AGBL1: variants seen among roughly 807,000 people sequenced by gnomAD.
AGBL1 encodes the protein AGBL carboxypeptidase 1.
AGBL1 carries 130 observed loss-of-function variants against 118.9 expected under a neutral mutation model. The observed-to-expected ratio is 1.09, with a 90% CI of 0.95 to 1.26. The LOEUF is 1.26. Among genes scored for constraint, AGBL1 ranks in the 50% most tolerant of loss-of-function variants. The pLI is 0.00. For missense variants in AGBL1, 1,584 were observed against 1,298.1 expected (o/e 1.22, Z -3.38); for synonymous variants, 555 against 478.9 (o/e 1.16, Z -2.08).
chr15:87,016,001 G>A (rs1283596289), intron 24 of AGBL1, among the ~76,000 whole-genome samples: 1 of 152,124 alleles, frequency 6.6e-6, no homozygotes, highest in East Asian at 1.9e-4. Flanking sequence ...TCTGCCTGTG[G>A]ACTTGATGTT....
chr15:86,583,923 G>T (rs1413739614), intron 21 of AGBL1, among the ~76,000 whole-genome samples: 1 of 152,058 alleles, frequency 6.6e-6, no homozygotes, highest in Non-Finnish European at 1.5e-5. Flanking sequence ...GTTTTGATTT[G>T]CATTTCTCTG....
chr15:86,562,282 T>C (rs1156777773), intron 21 of AGBL1, among the ~76,000 whole-genome samples: 6 of 152,240 alleles, frequency 3.9e-5, no homozygotes, highest in Non-Finnish European at 8.8e-5. Flanking sequence ...TGTGGGTTTG[T>C]CATAAATAGC....
intron 22 of AGBL1, among the ~76,000 whole-genome samples, chr15:86,711,422 C>A (rs1406007843): frequency 3.3e-5 from 5 of 152,156 alleles, no homozygotes; most frequent in African/African-American, 1.2e-4. Flanking sequence ...TGTTCTAATT[C>A]TCTGCATCGT....
At chr15:86,576,132 G>T (rs2084088405) in intron 21 of AGBL1, among the ~76,000 whole-genome samples, 1 of 152,150 alleles carries the variant, frequency 6.6e-6, no homozygotes, top group African/African-American at 2.4e-5. Context: ...ATCATTTATT[G>T]ACTGCACTTT....
Position 86,247,804 on chromosome 15 carries a change from C to T in AGBL1, c.660C>T (p.His220=). ...GGGGCTTGCTGCTCTGCCTCAGGCA[C>T]ATTGCTGCCCTCCGGTCCGGCAGGG... The part of the protein sequence containing the change: ...IRRGLLLCLR[H]IAALRSGREA... The change falls in exon 7 of 23, where the codon CAC becomes CAT. Residue 220 remains histidine (H), a synonymous_variant. Coordinates refer to ENST00000614907, the MANE Select transcript of AGBL1 (RefSeq NM_001386094.1). 1 of 1,614,014 alleles carries T rather than the reference C, an allele frequency of 6.2e-7. No individual in the cohort carries two copies. The highest frequency in any genetic ancestry group is 8.5e-7 in the Non-Finnish European group (1 of 1,179,904).
At chr15:86,917,466 C>T (rs911931717), downstream of AGBL1, among the ~76,000 whole-genome samples, 1 of 152,064 alleles carries the variant, frequency 6.6e-6, no homozygotes, top group South Asian at 2.1e-4. The surrounding 1 kb of genome is among the most constrained non-coding windows in gnomAD (Gnocchi z 4.8). Context: ...AAAGGGAGCT[C>T]ATTATTACTG....
rs1189868004 is a variant in AGBL1 at position 86,613,400 on chromosome 15, C to G, written c.2994+58863C>G. Among the ~76,000 whole-genome samples the G allele has an allele frequency of 6.6e-6, 1 of 152,128 alleles. No homozygotes were observed. Among genetic ancestry groups the G allele is most frequent in the African/African-American group, 2.4e-5 (1 of 41,414 alleles). ...CGTGGACAGTTAGTGGGTGAGAAGA[C>G]AGTGTCTGGCATGTTCAAAGCTGCT... is the stretch of plus-strand genomic sequence containing the variant. On this transcript the variant is annotated intron_variant, in intron 21 of 22. Transcript: ENST00000614907. This position sits in a 1 kb window ranked among gnomAD's most constrained non-coding sequence, Gnocchi z 4.2.
chr15:86,883,325 C>T (rs932928654), intron 22 of AGBL1, among the ~76,000 whole-genome samples: 2 of 152,162 alleles, frequency 1.3e-5, no homozygotes, highest in Non-Finnish European at 2.9e-5. Flanking sequence ...TTCAGGCCTC[C>T]CTCTTCCTAG....
chr15:86,234,669 T>G (rs1451713618), intron 6 of AGBL1, among the ~76,000 whole-genome samples: 1 of 152,124 alleles, frequency 6.6e-6, no homozygotes, highest in Non-Finnish European at 1.5e-5. Flanking sequence ...TGTGGCATGT[T>G]TCTTAATGAC....
At chr15:86,293,949 G>A (rs1031455155) in intron 16 of AGBL1, among the ~76,000 whole-genome samples, 10 of 152,066 alleles carry the variant, frequency 6.6e-5, no homozygotes, top group African/African-American at 2.4e-4. Flanking sequence ...TTGGGCAGTG[G>A]TGTTTTTGTG....
At chr15:86,095,585 C>T (rs532983793) in intron 1 of AGBL1, among the ~76,000 whole-genome samples, 9 of 149,628 alleles carry the variant, frequency 6.0e-5, no homozygotes, top group Non-Finnish European at 1.3e-4. Context: ...GTGCCAGGAA[C>T]TGGGGATGAA....
chr15:86,495,058 G>A (rs1020646397), intron 18 of AGBL1, among the ~76,000 whole-genome samples: 1 of 150,848 alleles, frequency 6.6e-6, no homozygotes, highest in Non-Finnish European at 1.5e-5. Context: ...CCTGAACCTG[G>A]CATCAGTTTT....
chr15:86,410,807 GATATATATATATATAT>G (rs36127489), intron 18 of AGBL1, among the ~76,000 whole-genome samples: 26 of 40,362 alleles, frequency 6.4e-4, no homozygotes, highest in East Asian at 3.2e-3. Context: ...GTCAAATGTA[GATATATATATATATAT>G]ATATATATAT....
chr15:86,196,879 G>GCGCACGCA (rs756313941), intron 5 of AGBL1, among the ~76,000 whole-genome samples: 9 of 117,014 alleles, frequency 7.7e-5, no homozygotes, highest in African/African-American at 2.9e-4. Flanking sequence ...GCGCGCGCGC[G>GCGCACGCA]CACACACACA....
In AGBL1 at chr15:86,730,401, C is replaced by T. The variant is rs181586547; in HGVS notation, c.3158+55965C>T. On this transcript the variant is annotated intron_variant, in intron 22 of 22. Transcript: ENST00000614907. ...AGAATCTATAAGAAACTTAAATAAT[C>T]AAACAAGCAAAAAACTAGCAACTCC... Among the ~76,000 whole-genome samples, 184 of 152,224 alleles carry T rather than the reference C, an allele frequency of 1.2e-3. 1 individual carries two copies. Among genetic ancestry groups the T allele is most frequent in the African/African-American group, 4.1e-3 (170 of 41,546 alleles).
chr15:86,964,031 CTGTGTG>C (rs1555466861), intron 23 of AGBL1, among the ~76,000 whole-genome samples: 2 of 146,206 alleles, frequency 1.4e-5, no homozygotes, highest in Non-Finnish European at 3.0e-5. Flanking sequence ...CTCTCTCTCT[CTGTGTG>C]TGTGTGTGTG....
intron 23 of AGBL1, among the ~76,000 whole-genome samples, chr15:86,969,334 A>G (rs1168443492): frequency 6.6e-6 from 1 of 151,900 alleles, no homozygotes; most frequent in Admixed American, 6.6e-5. Flanking sequence ...CAAAAAACAG[A>G]CACGTTTTCC....
chr15:87,012,576 G>A (rs2081572379), intron 24 of AGBL1, among the ~76,000 whole-genome samples: 1 of 152,098 alleles, frequency 6.6e-6, no homozygotes, highest in South Asian at 2.1e-4. Context: ...GAATTGAGTG[G>A]TAAGGAAAGG....
intron 21 of AGBL1, among the ~76,000 whole-genome samples, chr15:86,556,977 T>C (rs747552516): frequency 6.6e-6 from 1 of 152,202 alleles, no homozygotes; most frequent in Non-Finnish European, 1.5e-5. Flanking sequence ...GACATTTATA[T>C]TGGAACTGCA....
Sources: allele counts gnomAD v4.1 joint callset (sites outside exome capture counted in the v4.1 genomes callset), GRCh38; gene constraint gnomAD v4.1.1; non-coding constraint Gnocchi (gnomAD v3.1); transcripts MANE v1.5; gene names NCBI Gene and HGNC (gene_info 2026-07-23, HGNC 2026-07-21).